Variants in NELFA observed in about 807,000 individuals in gnomAD.
NELFA encodes negative elongation factor A.
A neutral mutation model predicts 51.8 loss-of-function variants in NELFA; 35 were observed. The ratio of observed to expected loss-of-function variants is 0.68; its 90% CI spans 0.52 to 0.90. The LOEUF (loss-of-function observed/expected upper bound fraction) is 0.90, where lower values mean the gene tolerates loss of function less well. NELFA is among the 40% of genes least tolerant of loss of function. The pLI is 0.00. For missense variants in NELFA, 658 were observed against 746.4 expected (o/e 0.88, Z 1.38); for synonymous variants, 417 against 338.4 (o/e 1.23, Z -2.55).
At position 1,983,137 on chromosome 4, in the gene NELFA, TA is replaced by T. The variant is rs1019535420; in HGVS notation, c.*181del. On this transcript the variant is annotated 3_prime_UTR_variant, in exon 11 of 11. Transcript: ENST00000382882. Reference sequence around the variant, plus strand: ...CAAAAAAGAACCCATATTAAAATTTTAAAAATAAGCCCCAAATACCCCAGAG... The same window carrying T: ...CAAAAAAGAACCCATATTAAAATTTTAAAATAAGCCCCAAATACCCCAGAG... 1 of 516,810 alleles carries T rather than the reference TA, an allele frequency of 1.9e-6. No homozygotes were observed. Among genetic ancestry groups the T allele is most frequent in the Non-Finnish European group, 3.3e-6 (1 of 302,368 alleles). The allele number at this position is 516,810 out of a possible 1,614,324, so 32.0% of individuals were successfully genotyped here.
intron 1 of NELFA, 57 bp downstream of exon 1, chr4:2,008,693 G>A (rs1219665996): frequency 1.1e-5 from 17 of 1,548,632 alleles, no homozygotes; most frequent in Non-Finnish European, 1.5e-5. Context: ...TGGGTGTGCG[G>A]GTCGGAGGTG....
chr4:1,986,439 G>C (rs748834676), intron 4 of NELFA, 37 bp from the exon 5 acceptor site: 1 of 1,608,080 alleles, frequency 6.2e-7, no homozygotes, highest in Non-Finnish European at 8.5e-7. Flanking sequence ...CAGCAGCAGT[G>C]ACCGGCAAAC....
chr4:2,000,815 G>A (rs1388488516), intron 1 of NELFA, among the ~76,000 whole-genome samples: 1 of 152,168 alleles, frequency 6.6e-6, no homozygotes, highest in Non-Finnish European at 1.5e-5. Context: ...ACATCATCCT[G>A]ATACCAAAAC....
At chr4:1,995,750 C>G (rs1410061276) in intron 1 of NELFA, among the ~76,000 whole-genome samples, 1 of 152,152 alleles carries the variant, frequency 6.6e-6, no homozygotes, top group South Asian at 2.1e-4. Flanking sequence ...CACATGGTAA[C>G]TATAACAACT....
intron 4 of NELFA, chr4:1,987,564 A>G: frequency 4.2e-6 from 1 of 235,706 alleles, no homozygotes. Context: ...GGGAAGGCCG[A>G]GAGCCACCGG....
At chr4:1,984,591 CTG>C (rs1458157670) in intron 8 of NELFA, among the ~76,000 whole-genome samples, 17 of 152,252 alleles carry the variant, frequency 1.1e-4, no homozygotes, top group Non-Finnish European at 5.9e-5. Flanking sequence ...CGCTGCCTGT[CTG>C]TGCCCAGGAC....
chr4:2,001,391 G>C (rs2109066444), intron 1 of NELFA, among the ~76,000 whole-genome samples: 1 of 152,246 alleles, frequency 6.6e-6, no homozygotes, highest in Middle Eastern at 3.4e-3. Flanking sequence ...TTTATATTTA[G>C]AAAACCCCAT....
At chr4:2,003,611 A>G (rs1577630303) in intron 1 of NELFA, among the ~76,000 whole-genome samples, 1 of 152,332 alleles carries the variant, frequency 6.6e-6, no homozygotes, top group East Asian at 1.9e-4. Flanking sequence ...CATCATCCTC[A>G]GCAAACTAAC....
At chr4:1,993,795 C>CTTTT (rs1202916976) in intron 1 of NELFA, among the ~76,000 whole-genome samples, 3 of 118,952 alleles carry the variant, frequency 2.5e-5, no homozygotes, top group Middle Eastern at 4.3e-3. Flanking sequence ...TCCCCTGGGC[C>CTTTT]TTTTTTTTTT....
At chr4:1,987,282 C>T (rs1187374049) in intron 4 of NELFA, among the ~76,000 whole-genome samples, 1 of 152,238 alleles carries the variant, frequency 6.6e-6, no homozygotes, top group Non-Finnish European at 1.5e-5. Context: ...GGACGACACC[C>T]GTCCTGCCCT....
chr4:2,006,329 T>G (rs1000094265), intron 1 of NELFA, among the ~76,000 whole-genome samples: 1 of 152,134 alleles, frequency 6.6e-6, no homozygotes, highest in Non-Finnish European at 1.5e-5. Flanking sequence ...AAGATTCAAG[T>G]GCGAAAGGTA....
intron 1 of NELFA, chr4:2,008,195 G>C (rs1728762500): frequency 5.3e-6 from 2 of 376,030 alleles, no homozygotes; most frequent in South Asian, 1.9e-5. Flanking sequence ...ACCCCGATGG[G>C]AGACCCCGCT....
intron 3 of NELFA, among the ~76,000 whole-genome samples, chr4:1,988,946 G>GTTTTT (rs35323893): frequency 1.7e-4 from 23 of 136,674 alleles, no homozygotes; most frequent in Non-Finnish European, 2.0e-4. Context: ...AAGTTGGTGG[G>GTTTTT]TTTTTTTTTT....
chr4:1,985,964 C>A, intron 6 of NELFA, 100 bp from the exon 7 acceptor site: 1 of 1,346,758 alleles, frequency 7.4e-7, no homozygotes, highest in Non-Finnish European at 1.0e-6. Context: ...GGGAGGCCAC[C>A]AAGGAGCGAG....
At chr4:2,007,301 G>T in intron 1 of NELFA, 1 of 189,964 alleles carries the variant, frequency 5.3e-6, no homozygotes, top group South Asian at 6.7e-5. Flanking sequence ...TTATACCCTA[G>T]AGAAATCCAA....
intron 1 of NELFA, among the ~76,000 whole-genome samples, chr4:2,005,769 G>A (rs1728694527): frequency 6.6e-6 from 1 of 152,172 alleles, no homozygotes; most frequent in African/African-American, 2.4e-5. Flanking sequence ...TAAAAACTAA[G>A]ACTTTAACAG....
intron 4 of NELFA, among the ~76,000 whole-genome samples, chr4:1,987,014 T>G (rs1728125322): frequency 6.6e-6 from 1 of 152,128 alleles, no homozygotes; most frequent in Non-Finnish European, 1.5e-5. Context: ...GACAAGGGTC[T>G]GCTCCAGGCG....
At position 1,989,976 on chromosome 4, in the gene NELFA, T is replaced by C. The variant is rs755641189; in HGVS notation, c.383-107A>G. On this transcript the variant is annotated intron_variant, in intron 2 of 10. Transcript: ENST00000382882. This position sits in a 1 kb window ranked among gnomAD's most constrained non-coding sequence, Gnocchi z 4.8. ...CACACCCTCCTCAGTTAGGGTTAGG[T>C]CATGGGAGCTTCGGCTGTCCCCTGA... The C allele has an allele frequency of 7.3e-7, 1 of 1,368,626 alleles. No homozygotes were observed. Among genetic ancestry groups the C allele is most frequent in the Non-Finnish European group, 9.9e-7 (1 of 1,005,756 alleles). The allele number at this position is 1,368,626 out of a possible 1,614,324, so 84.8% of individuals were successfully genotyped here.
chr4:2,008,620 G>T (rs1165476280), intron 1 of NELFA, 130 bp downstream of exon 1: 4 of 1,097,044 alleles, frequency 3.6e-6, no homozygotes, highest in Non-Finnish European at 5.1e-6. Flanking sequence ...GGGCGGGCCG[G>T]GGGGGTTAAC....
Sources: gnomAD v4.1 joint callset for allele counts (sites outside exome capture counted in the v4.1 genomes callset) on GRCh38, gnomAD v4.1.1 for gene constraint, Gnocchi (gnomAD v3.1) non-coding constraint, MANE v1.5 for transcripts, NCBI Gene and HGNC (gene_info 2026-07-23, HGNC 2026-07-21) for gene names.